Variants in MARCHF11 observed in about 807,000 individuals in gnomAD.
MARCHF11 encodes the protein E3 ubiquitin-protein ligase MARCHF11.
A neutral mutation model predicts 37.3 loss-of-function variants in MARCHF11; 29 were observed. That is an observed-to-expected ratio of 0.78 (90% CI 0.58 to 1.06). The LOEUF is 1.06. MARCHF11 is among the 50% of genes least tolerant of loss of function. The pLI is 0.00. For missense variants in MARCHF11, 482 were observed against 533.4 expected (o/e 0.90, Z 0.95); for synonymous variants, 233 against 228.0 (o/e 1.02, Z -0.20).
chr5:16,085,942 A>T, intron 3 of MARCHF11, among the ~76,000 whole-genome samples: 1 of 50,578 alleles, frequency 2.0e-5, no homozygotes, highest in African/African-American at 1.2e-4. Context: ...TCCATCTCAA[A>T]AAAAAAAAAA....
intron 3 of MARCHF11, among the ~76,000 whole-genome samples, chr5:16,075,037 A>G (rs954707606): frequency 1.3e-5 from 2 of 152,194 alleles, no homozygotes; most frequent in African/African-American, 4.8e-5. Flanking sequence ...GCAAAGCCCA[A>G]TTGTCAGATG....
chr5:16,108,730 G>A (rs369793588), intron 2 of MARCHF11, among the ~76,000 whole-genome samples: 15 of 152,306 alleles, frequency 9.8e-5, no homozygotes, highest in Admixed American at 3.9e-4. Flanking sequence ...AAGGCCAGGC[G>A]GGTGGGAGAG....
intron 2 of MARCHF11, among the ~76,000 whole-genome samples, chr5:16,164,613 G>T (rs1487556669): frequency 6.6e-6 from 1 of 151,972 alleles, no homozygotes; most frequent in African/African-American, 2.4e-5. Flanking sequence ...TCAGCACCCT[G>T]CAGCCAATCA....
intron 2 of MARCHF11, among the ~76,000 whole-genome samples, chr5:16,160,448 T>C (rs1398767410): frequency 1.4e-5 from 2 of 147,898 alleles, no homozygotes; most frequent in South Asian, 4.2e-4. Context: ...AAATATCTTT[T>C]ATATTTTAGA....
intron 2 of MARCHF11, among the ~76,000 whole-genome samples, chr5:16,095,757 G>T (rs189668978): frequency 1.3e-5 from 2 of 152,038 alleles, no homozygotes; most frequent in East Asian, 1.9e-4. Flanking sequence ...TATACTTCTG[G>T]GGAAAGCTGG....
intron 2 of MARCHF11, among the ~76,000 whole-genome samples, chr5:16,125,620 TGTGTG>T (rs898134918): frequency 2.7e-4 from 1 of 3,644 alleles, no homozygotes; most frequent in African/African-American, 1.8e-3. Context: ...GCACACTCTC[TGTGTG>T]TGTGTGTGTG....
At chr5:16,082,897 G>A (rs192346257) in intron 3 of MARCHF11, among the ~76,000 whole-genome samples, 113 of 152,268 alleles carry the variant, frequency 7.4e-4, no homozygotes, top group African/African-American at 2.6e-3. Context: ...GTAACCCAAA[G>A]TGTCAGCCTC....
At chr5:16,084,650 CA>C (rs111551647) in intron 3 of MARCHF11, among the ~76,000 whole-genome samples, 9,564 of 123,252 alleles carry the variant, frequency 0.078, 900 homozygotes, top group African/African-American at 0.24. Context: ...GTCAAAAAAA[CA>C]AAAAAAAAAA....
intron 3 of MARCHF11, among the ~76,000 whole-genome samples, chr5:16,089,489 T>C (rs184431379): frequency 7.9e-5 from 12 of 152,294 alleles, no homozygotes; most frequent in Non-Finnish European, 1.2e-4. Flanking sequence ...ATCTCTTCAG[T>C]TTATATATTA....
intron 3 of MARCHF11, among the ~76,000 whole-genome samples, chr5:16,082,123 T>A (rs55838047): frequency 0.044 from 6,646 of 152,276 alleles, 280 homozygotes; most frequent in African/African-American, 0.1. Flanking sequence ...CTCTGACAAT[T>A]TCACATCACA....
intron 2 of MARCHF11, among the ~76,000 whole-genome samples, chr5:16,170,849 A>G (rs543267506): frequency 4.6e-5 from 7 of 152,174 alleles, no homozygotes; most frequent in Non-Finnish European, 7.4e-5. Flanking sequence ...GAATATTCCA[A>G]GGATATTTAC....
At position 16,179,421 on chromosome 5, in the gene MARCHF11, A is replaced by C. The variant is rs1738430144; in HGVS notation, c.155T>G (p.Leu52Arg). ...CTCGGGGGTCTCGGGGGACGCGGGC[A>C]GCGGCGGCAGGTAGCGCGGGGCCGC... The part of the protein sequence containing the change: ...VPAAPRYLPP[L>R]PASPETPERA... Residue 52 changes from leucine (L) to arginine (R), a missense_variant, in exon 1 of 4, where the codon CTG (leucine) becomes CGG (arginine). Transcript: ENST00000332432. 1 of 1,121,564 alleles carries C rather than the reference A, an allele frequency of 8.9e-7. No homozygotes were observed. The highest frequency in any genetic ancestry group is 4.9e-5 in the East Asian group (1 of 20,246). The allele number at this position is 1,121,564 out of a possible 1,614,324, so 69.5% of individuals were successfully genotyped here.
intron 2 of MARCHF11, among the ~76,000 whole-genome samples, chr5:16,151,434 C>T (rs1737885436): frequency 6.6e-6 from 1 of 151,842 alleles, no homozygotes; most frequent in Non-Finnish European, 1.5e-5. Flanking sequence ...TATACTCACA[C>T]AAACATTCCT....
At chr5:16,131,064 G>A (rs1737507311) in intron 2 of MARCHF11, among the ~76,000 whole-genome samples, 2 of 152,320 alleles carry the variant, frequency 1.3e-5, no homozygotes, top group Admixed American at 6.5e-5. Flanking sequence ...GCAGAGGATA[G>A]CCTGAATAAT....
At chr5:16,087,139 A>T (rs1200973816) in intron 3 of MARCHF11, among the ~76,000 whole-genome samples, 1 of 152,214 alleles carries the variant, frequency 6.6e-6, no homozygotes, top group Non-Finnish European at 1.5e-5. Context: ...CCCCAGATAT[A>T]ATCTCTTTAC....
chr5:16,097,980 C>A (rs1032908140), intron 2 of MARCHF11, among the ~76,000 whole-genome samples: 3 of 152,022 alleles, frequency 2.0e-5, no homozygotes, highest in South Asian at 2.1e-4. Flanking sequence ...TATATAAAAA[C>A]AACAGTGCAG....
chr5:16,094,417 G>A (rs1339354002), intron 2 of MARCHF11, among the ~76,000 whole-genome samples: 1 of 152,072 alleles, frequency 6.6e-6, no homozygotes, highest in East Asian at 1.9e-4. Flanking sequence ...ATAATCCAAA[G>A]GCCAGGATTT....
intron 2 of MARCHF11, among the ~76,000 whole-genome samples, chr5:16,100,604 G>A (rs997716269): frequency 6.6e-6 from 1 of 152,168 alleles, no homozygotes; most frequent in Admixed American, 6.5e-5. Flanking sequence ...AGTGAGATGG[G>A]CCTTACAGGG....
At chr5:16,164,244 C>G (rs1364879005) in intron 2 of MARCHF11, among the ~76,000 whole-genome samples, 1 of 151,976 alleles carries the variant, frequency 6.6e-6, no homozygotes, top group East Asian at 1.9e-4. Context: ...ACCTAACAAC[C>G]AAGTCCCAAA....
Sources: allele counts gnomAD v4.1 joint callset (sites outside exome capture counted in the v4.1 genomes callset), GRCh38; gene constraint gnomAD v4.1.1; transcripts MANE v1.5; gene names NCBI Gene and HGNC (gene_info 2026-07-23, HGNC 2026-07-21).